EYS: variants seen among roughly 807,000 people sequenced by gnomAD.
EYS encodes EGF-like photoreceptor maintenance factor.
In EYS, 250 loss-of-function variants were observed where a neutral mutation model predicts 282.1. That is an observed-to-expected ratio of 0.89 (90% CI 0.80 to 0.98). The LOEUF (loss-of-function observed/expected upper bound fraction) is 0.98, where lower values mean the gene tolerates loss of function less well. Ranked by LOEUF, EYS falls within the 50% of genes least tolerant of loss-of-function variation. EYS has a pLI of 0.00. For synonymous variants in EYS, 1,355 were observed against 1,282.9 expected (o/e 1.06, Z -1.20); for missense variants, 4,016 against 3,709.0 (o/e 1.08, Z -2.15).
chr6:64,232,403 G>A (rs1173984462), intron 30 of EYS, among the ~76,000 whole-genome samples: 1 of 151,884 alleles, frequency 6.6e-6, no homozygotes, highest in Non-Finnish European at 1.5e-5. Flanking sequence ...TTGTTTGTTT[G>A]TTTGGGATGA....
At chr6:64,104,209 A>G (rs2150261017) in intron 31 of EYS, among the ~76,000 whole-genome samples, 1 of 152,284 alleles carries the variant, frequency 6.6e-6, no homozygotes, top group South Asian at 2.1e-4. Flanking sequence ...TTGGGTAAAG[A>G]TAAGATGCAT....
chr6:64,397,075 G>C (rs1582700780), intron 28 of EYS, among the ~76,000 whole-genome samples: 1 of 151,944 alleles, frequency 6.6e-6, no homozygotes, highest in East Asian at 1.9e-4. Flanking sequence ...ACCTTACTTT[G>C]CTCAGTTTTT....
At chr6:65,381,907 A>T (rs1765626395) in intron 8 of EYS, among the ~76,000 whole-genome samples, 1 of 152,020 alleles carries the variant, frequency 6.6e-6, no homozygotes, top group Admixed American at 6.6e-5. Flanking sequence ...TCTGTTTTAC[A>T]TAAAAGTAAG....
chr6:65,391,787 C>A lies in EYS; in HGVS notation c.1185-7287G>T, dbSNP rs555117497. The stretch of plus-strand genomic sequence containing the variant: ...TTCAATGCCATCCCCATCAAGCTAC[C>A]AATGACTTTCTTTACAGAATTGGAA... On this transcript the variant is annotated intron_variant, in intron 7 of 42. Coordinates refer to ENST00000503581, the MANE Select transcript of EYS (RefSeq NM_001142800.2). Among the ~76,000 whole-genome samples, 221 of 151,544 alleles carry A rather than the reference C, an allele frequency of 1.5e-3. 2 individuals carry two copies. Among genetic ancestry groups the A allele is most frequent in the African/African-American group, 5.1e-3 (212 of 41,366 alleles).
intron 5 of EYS, among the ~76,000 whole-genome samples, chr6:65,430,285 GAAA>G (rs1767834104): frequency 6.6e-6 from 1 of 152,086 alleles, no homozygotes; most frequent in Non-Finnish European, 1.5e-5. Flanking sequence ...TGTTAGAGCA[GAAA>G]GAAAAACCAG....
intron 29 of EYS, among the ~76,000 whole-genome samples, chr6:64,330,570 C>G (rs1231569309): frequency 1.3e-5 from 2 of 152,108 alleles, no homozygotes; most frequent in African/African-American, 2.4e-5. Context: ...CTACAGGAGT[C>G]TTGGTACAAA....
At chr6:63,814,696 A>G (rs907460335) in intron 36 of EYS, among the ~76,000 whole-genome samples, 1 of 152,190 alleles carries the variant, frequency 6.6e-6, no homozygotes, top group African/African-American at 2.4e-5. Flanking sequence ...TTTCAAAGTA[A>G]CTAGGTACTG....
intron 1 of EYS, among the ~76,000 whole-genome samples, chr6:65,677,110 A>G (rs1028589048): frequency 2.2e-5 from 2 of 90,396 alleles, no homozygotes; most frequent in Non-Finnish European, 4.3e-5. Context: ...TTGGTGAAAA[A>G]AAAAAAAAAA....
At chr6:65,616,278 A>C in intron 2 of EYS, among the ~76,000 whole-genome samples, 1 of 152,084 alleles carries the variant, frequency 6.6e-6, no homozygotes, top group Admixed American at 6.6e-5. Context: ...CTTGTGTTTA[A>C]GTTTTCTGAG....
intron 37 of EYS, among the ~76,000 whole-genome samples, chr6:63,792,755 C>T (rs761285579): frequency 1.3e-5 from 2 of 151,614 alleles, no homozygotes; most frequent in Non-Finnish European, 2.9e-5. Context: ...TGTAAGAGGG[C>T]CAAGGCATGA....
At chr6:64,112,267 T>C (rs571072276) in intron 31 of EYS, among the ~76,000 whole-genome samples, 4 of 152,184 alleles carry the variant, frequency 2.6e-5, no homozygotes, top group South Asian at 2.1e-4. Context: ...CAAAATTTTA[T>C]AGCTATGCCA....
intron 15 of EYS, among the ~76,000 whole-genome samples, chr6:64,930,461 T>TA (rs55650031): frequency 0.048 from 5,843 of 122,814 alleles, 209 homozygotes; most frequent in East Asian, 0.23. Flanking sequence ...ATAAATAAGG[T>TA]AAAAAAAAAA....
At chr6:64,698,476 G>T (rs1279738059) in intron 22 of EYS, among the ~76,000 whole-genome samples, 1 of 151,934 alleles carries the variant, frequency 6.6e-6, no homozygotes, top group African/African-American at 2.4e-5. Flanking sequence ...AAGCAAAAAT[G>T]GACAAGTGGG....
At chr6:65,338,348 G>C (rs576871171) in intron 10 of EYS, among the ~76,000 whole-genome samples, 2 of 149,754 alleles carry the variant, frequency 1.3e-5, no homozygotes, top group African/African-American at 2.5e-5. Flanking sequence ...ATAGAAACTT[G>C]AATCTGCCTT....
Position 63,720,864 on chromosome 6 carries a change from A to G in EYS, c.9167T>C (p.Ile3056Thr). The G allele has an allele frequency of 6.4e-7, 1 of 1,551,212 alleles. No homozygotes were observed. Among genetic ancestry groups the G allele is most frequent in the South Asian group, 1.2e-5 (1 of 84,054 alleles). The change falls in exon 43 of 43, where the codon ATC becomes ACC. Residue 3056 changes from isoleucine (I) to threonine (T), a missense_variant. Coordinates refer to ENST00000503581, the MANE Select transcript of EYS (RefSeq NM_001142800.2). ...TAGACTGTTATTTATGTAGGCCTTG[A>G]TAAGAGTCTGATTTTGAATTACAAC... is the stretch of plus-strand genomic sequence containing the variant. ...HVVVIQNQTLIKAYINNSLIL... is the reference protein window; with the variant it reads ...HVVVIQNQTLTKAYINNSLIL...
chr6:64,608,454 G>C (rs1767002732), intron 24 of EYS, among the ~76,000 whole-genome samples: 1 of 152,154 alleles, frequency 6.6e-6, no homozygotes, highest in African/African-American at 2.4e-5. Flanking sequence ...ATAAAATGCT[G>C]CCTAATTTCT....
At chr6:65,643,616 C>A (rs893801532) in intron 1 of EYS, among the ~76,000 whole-genome samples, 8 of 152,200 alleles carry the variant, frequency 5.3e-5, no homozygotes, top group Non-Finnish European at 1.2e-4. Context: ...GCCTGGAGGG[C>A]AACCAACACA....
At chr6:65,141,758 A>C (rs1456699323) in intron 12 of EYS, among the ~76,000 whole-genome samples, 2 of 139,632 alleles carry the variant, frequency 1.4e-5, no homozygotes, top group African/African-American at 5.6e-5. Flanking sequence ...ATTTCTCATC[A>C]GAAGTTCGGG....
At chr6:64,686,558 G>A (rs148720212) in intron 22 of EYS, among the ~76,000 whole-genome samples, 2,362 of 149,920 alleles carry the variant, frequency 0.016, 62 homozygotes, top group African/African-American at 0.055. Context: ...TGGTTAATGC[G>A]GTAAAACCCC....
Sources: gnomAD v4.1 joint callset for allele counts (sites outside exome capture counted in the v4.1 genomes callset) on GRCh38, gnomAD v4.1.1 for gene constraint, MANE v1.5 for transcripts, NCBI Gene and HGNC (gene_info 2026-07-23, HGNC 2026-07-21) for gene names.